KIAA0825: variants seen among roughly 807,000 people sequenced by gnomAD.
KIAA0825 encodes the protein uncharacterized protein KIAA0825.
KIAA0825 carries 119 observed loss-of-function variants against 147.6 expected under a neutral mutation model. That is an observed-to-expected ratio of 0.81 (90% CI 0.69 to 0.94). The LOEUF is 0.94. Among genes scored for constraint, KIAA0825 ranks in the 40% least tolerant of loss-of-function variants. The pLI is 0.00. For missense variants in KIAA0825, 1,381 were observed against 1,472.7 expected (o/e 0.94, Z 1.02); for synonymous variants, 470 against 518.1 (o/e 0.91, Z 1.26).
chr5:94,269,490 A>T (rs1776884097), intron 20 of KIAA0825, among the ~76,000 whole-genome samples: 1 of 152,148 alleles, frequency 6.6e-6, no homozygotes, highest in South Asian at 2.1e-4. Flanking sequence ...GCTGAATGGA[A>T]TTTTTTTTAA....
intron 20 of KIAA0825, among the ~76,000 whole-genome samples, chr5:94,250,695 C>A (rs1419330233): frequency 1.3e-5 from 2 of 152,056 alleles, no homozygotes; most frequent in Non-Finnish European, 2.9e-5. Context: ...CATGGCTCAA[C>A]TGGTTCTGGC....
At chr5:94,197,106 T>G (rs2150013170) in intron 20 of KIAA0825, among the ~76,000 whole-genome samples, 1 of 152,344 alleles carries the variant, frequency 6.6e-6, no homozygotes, top group African/African-American at 2.4e-5. Context: ...GCATTCCCAT[T>G]TTGCCACACC....
At chr5:94,217,254 T>A (rs1362661843) in intron 20 of KIAA0825, among the ~76,000 whole-genome samples, 1 of 152,164 alleles carries the variant, frequency 6.6e-6, no homozygotes, top group Non-Finnish European at 1.5e-5. Context: ...ACGTATCATT[T>A]AAAAAAACTT....
At position 94,151,579 on chromosome 5, in the gene KIAA0825, T is replaced by C. The variant is rs1449350526; in HGVS notation, c.*2428A>G. Reference sequence around the variant, plus strand: ...GAACAAGCACAGAATAGAATTCAACTGCAAGGCCTCTTTCTCTCCTACTTT... The same window carrying C: ...GAACAAGCACAGAATAGAATTCAACCGCAAGGCCTCTTTCTCTCCTACTTT... On this transcript the variant is annotated 3_prime_UTR_variant, in exon 21 of 21. Transcript: ENST00000682413. Among the ~76,000 whole-genome samples, 1 of 152,140 alleles carries C rather than the reference T, an allele frequency of 6.6e-6. No individual in the cohort carries two copies. Among genetic ancestry groups the C allele is most frequent in the African/African-American group, 2.4e-5 (1 of 41,432 alleles).
At chr5:94,610,786 A>AAAAAAATATAT (rs1788592200) in intron 1 of KIAA0825, among the ~76,000 whole-genome samples, 3 of 113,686 alleles carry the variant, frequency 2.6e-5, no homozygotes, top group African/African-American at 1.2e-4. Flanking sequence ...AAAAAAAAAA[A>AAAAAAATATAT]GTATATATAT....
chr5:94,347,953 C>A (rs537728095), intron 20 of KIAA0825, among the ~76,000 whole-genome samples: 216 of 152,150 alleles, frequency 1.4e-3, no homozygotes, highest in African/African-American at 4.7e-3. Flanking sequence ...ACAAAACAAT[C>A]AAAAATTCAG....
At chr5:94,578,117 C>G (rs1781400315) in intron 2 of KIAA0825, among the ~76,000 whole-genome samples, 1 of 152,162 alleles carries the variant, frequency 6.6e-6, no homozygotes, top group Non-Finnish European at 1.5e-5. Context: ...GCTCTGCTAA[C>G]AAAAAGTATT....
chr5:94,334,732 C>T (rs1781630177), intron 20 of KIAA0825, among the ~76,000 whole-genome samples: 2 of 152,168 alleles, frequency 1.3e-5, no homozygotes, highest in South Asian at 4.1e-4. Context: ...AATTTGCCCA[C>T]CTCAGCCTCC....
intron 11 of KIAA0825, among the ~76,000 whole-genome samples, chr5:94,464,217 A>G (rs1348551279): frequency 6.6e-6 from 1 of 152,110 alleles, no homozygotes; most frequent in Non-Finnish European, 1.5e-5. Context: ...ATACAAGACC[A>G]CTGTAGTCAT....
intron 14 of KIAA0825, among the ~76,000 whole-genome samples, chr5:94,417,990 C>T (rs1034649140): frequency 2.6e-5 from 4 of 152,112 alleles, no homozygotes; most frequent in Admixed American, 6.5e-5. Flanking sequence ...CCATAACAGC[C>T]TTCTCAAAAA....
At chr5:94,338,686 G>A (rs1164114913) in intron 20 of KIAA0825, among the ~76,000 whole-genome samples, 3 of 152,080 alleles carry the variant, frequency 2.0e-5, no homozygotes, top group Non-Finnish European at 4.4e-5. Flanking sequence ...TGTAGCCTAG[G>A]AGCAACAGAC....
At chr5:94,525,017 A>T (rs1769000754) in intron 3 of KIAA0825, among the ~76,000 whole-genome samples, 1 of 151,808 alleles carries the variant, frequency 6.6e-6, no homozygotes, top group Non-Finnish European at 1.5e-5. Context: ...CCATCTGCAG[A>T]GCCACAGGGA....
At chr5:94,346,954 T>C (rs762677934) in intron 20 of KIAA0825, among the ~76,000 whole-genome samples, 1 of 152,130 alleles carries the variant, frequency 6.6e-6, no homozygotes, top group Non-Finnish European at 1.5e-5. Context: ...GGAAAAGGTC[T>C]GGGGGCTGTT....
chr5:94,201,637 C>T (rs568349822), intron 20 of KIAA0825, among the ~76,000 whole-genome samples: 26 of 147,738 alleles, frequency 1.8e-4, no homozygotes, highest in Admixed American at 1.0e-3. Context: ...TTGGTAGAGA[C>T]GAGGTATTGC....
intron 4 of KIAA0825, among the ~76,000 whole-genome samples, chr5:94,522,643 G>T: frequency 6.6e-6 from 1 of 151,562 alleles, no homozygotes. Context: ...CATCAGGACT[G>T]ACATTTTTTA....
intron 4 of KIAA0825, 87 bp from the exon 5 acceptor site, chr5:94,521,004 G>T (rs945500902): frequency 4.4e-5 from 50 of 1,137,218 alleles, no homozygotes; most frequent in South Asian, 3.4e-4. Flanking sequence ...AATAATTTCA[G>T]GTTGAAATCA....
intron 14 of KIAA0825, among the ~76,000 whole-genome samples, chr5:94,428,671 A>G (rs1755237356): frequency 6.6e-6 from 1 of 152,164 alleles, no homozygotes; most frequent in Non-Finnish European, 1.5e-5. Flanking sequence ...TTCTAGCTGC[A>G]TTTAAGATCT....
intron 6 of KIAA0825, among the ~76,000 whole-genome samples, chr5:94,479,654 A>G (rs1236540804): frequency 1.3e-5 from 2 of 152,132 alleles, no homozygotes; most frequent in Non-Finnish European, 2.9e-5. Flanking sequence ...AACTATGTTT[A>G]GCTTTGTAAG....
intron 16 of KIAA0825, among the ~76,000 whole-genome samples, chr5:94,397,596 G>T (rs1040571842): frequency 6.6e-6 from 1 of 152,088 alleles, no homozygotes; most frequent in Non-Finnish European, 1.5e-5. Context: ...CTGTATCAGG[G>T]TTTCTCAACT....
Sources: gnomAD v4.1 joint callset for allele counts (sites outside exome capture counted in the v4.1 genomes callset) on GRCh38, gnomAD v4.1.1 for gene constraint, MANE v1.5 for transcripts, NCBI Gene and HGNC (gene_info 2026-07-23, HGNC 2026-07-21) for gene names.